Variants in ZFHX3 observed in about 807,000 individuals in gnomAD.
ZFHX3 encodes the protein zinc finger homeobox protein 3.
In ZFHX3, 42 loss-of-function variants were observed where a neutral mutation model predicts 279.1. That is an observed-to-expected ratio of 0.15 (90% confidence interval 0.12 to 0.19). ZFHX3 has a LOEUF of 0.19. Ranked by LOEUF, ZFHX3 falls within the 10% of genes least tolerant of loss-of-function variation. The pLI is 1.00. For missense variants in ZFHX3, 4,981 were observed against 4,754.0 expected (o/e 1.05, Z -1.40); for synonymous variants, 2,293 against 1,957.8 (o/e 1.17, Z -4.52).
intron 2 of ZFHX3, chr16:73,679,613 C>T (rs2052989926): frequency 6.6e-6 from 1 of 152,136 alleles, no homozygotes; most frequent in African/African-American, 2.4e-5. Flanking sequence ...CTACCTACAG[C>T]CACAGAAATG....
rs1259002982 is a variant in ZFHX3 at position 72,787,872 on chromosome 16, G to A, written c.10404C>T (p.Arg3468=). The change falls in exon 10 of 10, where the codon CGC becomes CGT. Residue 3468 remains arginine, a synonymous_variant. Transcript: ENST00000268489. Reference sequence around the variant, plus strand: ...CGTCGCTGAAGCCCGCCTGGCACTTGCGGCAGACCAACTTGTACTGCACCT... The same window carrying A: ...CGTCGCTGAAGCCCGCCTGGCACTTACGGCAGACCAACTTGTACTGCACCT... ...VPKVQYKLVC[R]KCQAGFSDEE... The A allele has an allele frequency of 3.1e-6, 5 of 1,613,856 alleles. No homozygotes were observed. In the African/African-American group the frequency reaches 4.0e-5, roughly 13 times the overall value.
intron 1 of ZFHX3, among the ~76,000 whole-genome samples, chr16:73,861,886 A>T (rs919398436): frequency 6.6e-6 from 1 of 152,246 alleles, no homozygotes; most frequent in Non-Finnish European, 1.5e-5. Flanking sequence ...GAAATCATTC[A>T]TATGGAAGTA....
chr16:73,541,992 G>T (rs2020023716), intron 2 of ZFHX3, among the ~76,000 whole-genome samples: 1 of 151,598 alleles, frequency 6.6e-6, no homozygotes, highest in African/African-American at 2.4e-5. Context: ...AGTAGAGACG[G>T]GGTTTCACCA....
intron 5 of ZFHX3, among the ~76,000 whole-genome samples, chr16:73,148,183 A>C (rs1033750053): frequency 6.6e-6 from 1 of 152,218 alleles, no homozygotes; most frequent in Non-Finnish European, 1.5e-5. Context: ...ACTTGTTATG[A>C]CAGAGACAGC....
chr16:73,673,399 C>G (rs2052923058), intron 2 of ZFHX3, among the ~76,000 whole-genome samples: 1 of 152,046 alleles, frequency 6.6e-6, no homozygotes. Context: ...CCCCCAAAAT[C>G]ATAAAATCAC....
chr16:73,624,706 A>G (rs1165876384), intron 2 of ZFHX3, among the ~76,000 whole-genome samples: 1 of 152,126 alleles, frequency 6.6e-6, no homozygotes, highest in East Asian at 1.9e-4. Context: ...CATTTCATCA[A>G]ATGTGTGAGC....
chr16:73,787,852 T>TGTGTGTGTGAGAGA (rs766922630), intron 1 of ZFHX3, among the ~76,000 whole-genome samples: 1 of 132,366 alleles, frequency 7.6e-6, no homozygotes, highest in African/African-American at 2.8e-5. Context: ...TGTGTGTGTG[T>TGTGTGTGTGAGAGA]GAAAGAGAGA....
chr16:72,936,294 C>T (rs1171982927), intron 3 of ZFHX3, among the ~76,000 whole-genome samples: 3 of 152,194 alleles, frequency 2.0e-5, no homozygotes, highest in Admixed American at 6.5e-5. Context: ...TCTGCTGGTA[C>T]CCTATGGTTC....
intron 1 of ZFHX3, among the ~76,000 whole-genome samples, chr16:73,774,200 G>C (rs1449022473): frequency 1.3e-5 from 2 of 151,924 alleles, no homozygotes; most frequent in Non-Finnish European, 2.9e-5. Flanking sequence ...ATGACTCCTT[G>C]GTCCAAAAAC....
rs367846079 is a variant in ZFHX3 at position 73,394,510 on chromosome 16, T to A, written c.-1291+61493A>T. Among the ~76,000 whole-genome samples the A allele has an allele frequency of 6.0e-4, 92 of 152,244 alleles. 1 individual carries two copies. The highest frequency in any genetic ancestry group is 2.2e-3 in the African/African-American group (91 of 41,532). On this transcript the variant is annotated intron_variant, in intron 3 of 17. Transcript: ENST00000641206. ...TGGGGTATCATCATGTTGACCAGGC[T>A]GCATTTGAACTCTTAGCCACAAGTG...
chr16:73,741,035 T>TC (rs1159663150), intron 1 of ZFHX3, among the ~76,000 whole-genome samples: 1 of 145,342 alleles, frequency 6.9e-6, no homozygotes, highest in Non-Finnish European at 1.5e-5. Flanking sequence ...GGCCTTTTTT[T>TC]TTTTTTTTTT....
intron 2 of ZFHX3, among the ~76,000 whole-genome samples, chr16:73,631,759 T>C (rs1468379783): frequency 4.6e-5 from 7 of 152,100 alleles, no homozygotes; most frequent in Middle Eastern, 3.4e-3. Flanking sequence ...ATACAAAAAT[T>C]AGCCAGGGAT....
chr16:73,164,203 T>C (rs1176642731), intron 5 of ZFHX3, among the ~76,000 whole-genome samples: 1 of 152,232 alleles, frequency 6.6e-6, no homozygotes, highest in Non-Finnish European at 1.5e-5. Context: ...AATCTCTCTG[T>C]CCTTCAATAA....
intron 2 of ZFHX3, among the ~76,000 whole-genome samples, chr16:73,536,375 C>T (rs1567512754): frequency 1.3e-5 from 2 of 152,138 alleles, no homozygotes; most frequent in East Asian, 1.9e-4. Flanking sequence ...TTGGGAGCTA[C>T]AGCCTCAGTT....
intron 3 of ZFHX3, among the ~76,000 whole-genome samples, chr16:73,416,754 G>A (rs80152188): frequency 2.9e-4 from 42 of 146,288 alleles, no homozygotes; most frequent in East Asian, 1.2e-3. Context: ...GGCGCCTGTA[G>A]TCCCAGCTAC....
At chr16:72,837,456 G>A (rs966658675) in intron 4 of ZFHX3, among the ~76,000 whole-genome samples, 5 of 150,958 alleles carry the variant, frequency 3.3e-5, no homozygotes, top group African/African-American at 9.7e-5. Context: ...TCAGACATGC[G>A]CCCTGGCTCC....
chr16:73,729,573 C>G (rs1055772379), intron 1 of ZFHX3, among the ~76,000 whole-genome samples: 1 of 151,268 alleles, frequency 6.6e-6, no homozygotes, highest in Non-Finnish European at 1.5e-5. Flanking sequence ...AAAAAAAAAC[C>G]TGGGCGATTT....
At chr16:73,450,399 T>G (rs2018263644) in intron 3 of ZFHX3, among the ~76,000 whole-genome samples, 1 of 152,234 alleles carries the variant, frequency 6.6e-6, no homozygotes, top group South Asian at 2.1e-4. Context: ...GATGAAATTT[T>G]GCTTTCTTTG....
chr16:73,802,969 C>T (rs1210666963), intron 1 of ZFHX3, among the ~76,000 whole-genome samples: 1 of 152,144 alleles, frequency 6.6e-6, no homozygotes, highest in Admixed American at 6.5e-5. Flanking sequence ...AGGCACACGC[C>T]ACCACACCCA....
Sources: gnomAD v4.1 joint callset for allele counts (sites outside exome capture counted in the v4.1 genomes callset) on GRCh38, gnomAD v4.1.1 for gene constraint, MANE v1.5 for transcripts, NCBI Gene and HGNC (gene_info 2026-07-23, HGNC 2026-07-21) for gene names.